The following PTBP2 variants were observed in gnomAD, a reference collection of about 807,000 sequenced individuals.
PTBP2 encodes the protein polypyrimidine tract-binding protein 2.
In PTBP2, 13 loss-of-function variants were observed where a neutral mutation model predicts 61.4. The ratio of observed to expected loss-of-function variants is 0.21; its 90% CI spans 0.14 to 0.34. The LOEUF is 0.34. PTBP2 is among the 10% of genes least tolerant of loss of function. PTBP2 has a pLI of 1.00. For missense variants in PTBP2, 405 were observed against 642.6 expected, an observed-to-expected ratio of 0.63 and a Z score of 4.00; for synonymous variants, 215 against 218.5, an observed-to-expected ratio of 0.98 and a Z score of 0.14.
intron 2 of PTBP2, among the ~76,000 whole-genome samples, chr1:96,747,308 A>G (rs1653968215): frequency 6.6e-6 from 1 of 152,088 alleles, no homozygotes; most frequent in Non-Finnish European, 1.5e-5. Context: ...TTAGCTTTTC[A>G]ACTGTTGCTG....
chr1:96,776,710 TATC>T (rs1049886680), intron 5 of PTBP2, among the ~76,000 whole-genome samples: 2 of 151,768 alleles, frequency 1.3e-5, no homozygotes, highest in African/African-American at 4.8e-5. Context: ...ATTATTTCCT[TATC>T]ATAGACTGTC....
At chr1:96,789,064 A>T (rs2101090516) in intron 8 of PTBP2, among the ~76,000 whole-genome samples, 1 of 152,192 alleles carries the variant, frequency 6.6e-6, no homozygotes, top group African/African-American at 2.4e-5. Context: ...TCATGTTAAG[A>T]GGTGTAGTTA....
Position 96,813,464 on chromosome 1 carries a change from C to T in PTBP2, c.*59C>T, listed in dbSNP as rs1662264277. On this transcript the variant is annotated 3_prime_UTR_variant, in exon 14 of 14. Coordinates refer to ENST00000674951, the MANE Select transcript of PTBP2 (RefSeq NM_021190.4). ...TTGTTCAATGTCATCACCTATTTGA[C>T]TGTTCAGAAAAGTGGGGACCAGAGT... 3.5e-6 allele frequency: 5 copies of T among 1,420,096 alleles called. No homozygotes were observed. The highest frequency in any genetic ancestry group is 3.0e-5 in the African/African-American group (2 of 67,324). The allele number at this position is 1,420,096 out of a possible 1,614,324, so 88.0% of individuals were successfully genotyped here. A position where few individuals can be genotyped will look rare whatever the true frequency, so the allele number is the denominator to read the frequency against.
chr1:96,796,740 GGCTCAAGCCTAA>G (rs1257369979), intron 8 of PTBP2, among the ~76,000 whole-genome samples: 2 of 152,158 alleles, frequency 1.3e-5, no homozygotes, highest in Non-Finnish European at 1.5e-5. Flanking sequence ...GCAGAGTGTT[GGCTCAAGCCTAA>G]GCTTGAGCCT....
chr1:96,734,629 T>A (rs1212597715), intron 2 of PTBP2, among the ~76,000 whole-genome samples: 1 of 152,056 alleles, frequency 6.6e-6, no homozygotes, highest in African/African-American at 2.4e-5. Context: ...GTTATTGGTC[T>A]TACACAGTTG....
intron 13 of PTBP2, 57 bp downstream of exon 13, chr1:96,813,163 T>C (rs1662237586): frequency 2.6e-6 from 4 of 1,551,544 alleles, no homozygotes; most frequent in South Asian, 1.2e-5. Flanking sequence ...TAAGTAGTTT[T>C]TGTTCTTTTC....
At chr1:96,820,600 C>G (rs1662655540) in exon 14 of PTBP2, 1 of 151,990 alleles carries the variant, frequency 6.6e-6, no homozygotes, top group Non-Finnish European at 1.5e-5. Flanking sequence ...TCATCCATAT[C>G]TGGTGCTAAT....
intron 2 of PTBP2, among the ~76,000 whole-genome samples, chr1:96,738,723 AT>A (rs1481405033): frequency 3.3e-5 from 5 of 152,200 alleles, no homozygotes; most frequent in African/African-American, 9.6e-5. Flanking sequence ...TTTCTCTCTT[AT>A]GTACAATTCA....
intron 2 of PTBP2, among the ~76,000 whole-genome samples, chr1:96,751,115 G>T (rs1654481097): frequency 6.6e-6 from 1 of 152,048 alleles, no homozygotes; most frequent in South Asian, 2.1e-4. Context: ...AAGTCTAGCT[G>T]TTGTGGCTTT....
chr1:96,729,361 T>C (rs1651051417), intron 2 of PTBP2, among the ~76,000 whole-genome samples: 1 of 152,158 alleles, frequency 6.6e-6, no homozygotes, highest in African/African-American at 2.4e-5. Flanking sequence ...TTATACCCAA[T>C]TGTTTTTAAA....
At chr1:96,734,906 T>C (rs1425356158) in intron 2 of PTBP2, among the ~76,000 whole-genome samples, 6 of 73,682 alleles carry the variant, frequency 8.1e-5, no homozygotes, top group Admixed American at 3.3e-4. Flanking sequence ...TTTTTTTCTT[T>C]TTTTTTTTTT....
chr1:96,811,888 A>G (rs1662122399), intron 11 of PTBP2, among the ~76,000 whole-genome samples: 2 of 152,188 alleles, frequency 1.3e-5, no homozygotes, highest in Admixed American at 6.5e-5. Flanking sequence ...TCCAGCAGCT[A>G]TGTCAAGAAA....
intron 11 of PTBP2, 51 bp from the exon 12 acceptor site, chr1:96,812,657 ATGTT>A: frequency 7.6e-7 from 1 of 1,323,688 alleles, no homozygotes; most frequent in Non-Finnish European, 1.1e-6. Flanking sequence ...TAAAAGAATT[ATGTT>A]TGTTTTGAGC....
At chr1:96,751,579 T>A in intron 3 of PTBP2, 79 bp downstream of exon 3, 2 of 1,068,940 alleles carry the variant, frequency 1.9e-6, no homozygotes, top group Non-Finnish European at 2.8e-6. Flanking sequence ...AACCCTGTTA[T>A]ACCAGGAAAG....
chr1:96,780,609 A>G (rs1658548551), intron 7 of PTBP2, among the ~76,000 whole-genome samples: 1 of 151,940 alleles, frequency 6.6e-6, no homozygotes. Flanking sequence ...CTGGTCTCTG[A>G]TACTTCTCAC....
chr1:96,781,380 T>C (rs952695837), intron 7 of PTBP2, among the ~76,000 whole-genome samples: 1 of 152,004 alleles, frequency 6.6e-6, no homozygotes, highest in African/African-American at 2.4e-5. Context: ...AAGTCCACAG[T>C]CCTTATCATG....
intron 11 of PTBP2, among the ~76,000 whole-genome samples, chr1:96,811,900 A>C (rs368463138): frequency 5.3e-5 from 8 of 152,228 alleles, no homozygotes; most frequent in African/African-American, 1.4e-4. Flanking sequence ...GTCAAGAAAT[A>C]GTCATGTAAT....
At chr1:96,797,942 G>A (rs977257328) in intron 8 of PTBP2, among the ~76,000 whole-genome samples, 26 of 152,238 alleles carry the variant, frequency 1.7e-4, no homozygotes, top group Non-Finnish European at 2.9e-4. Flanking sequence ...TGGGTGTGGT[G>A]GTGGGTGCCT....
chr1:96,771,000 A>T, intron 5 of PTBP2, 149 bp downstream of exon 5: 1 of 641,786 alleles, frequency 1.6e-6, no homozygotes, highest in Non-Finnish European at 2.6e-6. Context: ...GAATGTTTCT[A>T]AGTATTAAAT....
Sources: gnomAD v4.1 joint callset for allele counts (sites outside exome capture counted in the v4.1 genomes callset) on GRCh38, gnomAD v4.1.1 for gene constraint, MANE v1.5 for transcripts, NCBI Gene and HGNC (gene_info 2026-07-23, HGNC 2026-07-21) for gene names.